The following ZNF804B variants were observed in gnomAD, a reference collection of about 807,000 sequenced individuals.
ZNF804B encodes the protein zinc finger 804B.
ZNF804B carries 80 observed loss-of-function variants against 101.4 expected under a neutral mutation model. That is an observed-to-expected ratio of 0.79 (90% CI 0.66 to 0.95). The LOEUF (loss-of-function observed/expected upper bound fraction) is 0.95, where lower values mean the gene tolerates loss of function less well. ZNF804B is among the 40% of genes least tolerant of loss of function. ZNF804B has a pLI of 0.00. For missense variants in ZNF804B, 1,673 were observed against 1,561.9 expected (o/e 1.07, Z -1.20); for synonymous variants, 622 against 558.8 (o/e 1.11, Z -1.59).
At chr7:88,845,705 A>G (rs924509074) in intron 1 of ZNF804B, among the ~76,000 whole-genome samples, 1 of 152,086 alleles carries the variant, frequency 6.6e-6, no homozygotes, top group Non-Finnish European at 1.5e-5. Flanking sequence ...AAAGCAGAAT[A>G]CAAGTCACCT....
intron 1 of ZNF804B, among the ~76,000 whole-genome samples, chr7:89,050,120 G>C (rs1202503953): frequency 6.6e-6 from 1 of 152,032 alleles, no homozygotes; most frequent in Admixed American, 6.6e-5. Flanking sequence ...TAGGTCCAAA[G>C]TACTAACGCT....
intron 1 of ZNF804B, among the ~76,000 whole-genome samples, chr7:88,760,778 A>G (rs1013050124): frequency 5.3e-5 from 8 of 151,122 alleles, no homozygotes; most frequent in African/African-American, 1.7e-4. Flanking sequence ...TCCAGATTAT[A>G]TGAGTTAAAT....
intron 2 of ZNF804B, among the ~76,000 whole-genome samples, chr7:89,259,282 C>G (rs1417599495): frequency 6.6e-6 from 1 of 152,090 alleles, no homozygotes; most frequent in Non-Finnish European, 1.5e-5. Context: ...ATCTTGTAAC[C>G]TTGCACCCCA....
At chr7:89,162,305 C>T (rs1389795158) in intron 1 of ZNF804B, among the ~76,000 whole-genome samples, 4 of 152,074 alleles carry the variant, frequency 2.6e-5, no homozygotes, top group African/African-American at 9.7e-5. Context: ...AAATACAAAA[C>T]TTTAAATATT....
chr7:88,879,268 A>G (rs1027851691), intron 1 of ZNF804B, among the ~76,000 whole-genome samples: 1 of 152,170 alleles, frequency 6.6e-6, no homozygotes, highest in African/African-American at 2.4e-5. Flanking sequence ...TTACCCATGC[A>G]TCCTCAACAA....
Position 89,222,378 on chromosome 7 carries a change from A to G in ZNF804B, c.249+4083A>G, listed in dbSNP as rs1584065948. ...CTGAGGTCTTCAAACTGGACTCCCC[A>G]CCTCCAGTATTTTTCCTGTTCCACA... On this transcript the variant is annotated intron_variant, in intron 2 of 3. Coordinates refer to ENST00000333190, the MANE Select transcript of ZNF804B (RefSeq NM_181646.5). Among the ~76,000 whole-genome samples, 6 of 151,794 alleles carry G rather than the reference A, an allele frequency of 4.0e-5. No homozygotes were observed. In the South Asian group the frequency reaches 1.2e-3, roughly 32 times the overall value.
chr7:89,304,285 C>G (rs1444421568), intron 2 of ZNF804B, among the ~76,000 whole-genome samples: 1 of 151,786 alleles, frequency 6.6e-6, no homozygotes, highest in Non-Finnish European at 1.5e-5. Context: ...GGACTTCTCC[C>G]AAAACATCCT....
In ZNF804B at chr7:89,335,208, C is replaced by T; in HGVS notation, c.2226C>T (p.Phe742=). The part of the protein sequence containing the change: ...NGNSRGNLLC[F]HKREHHSVER... ...ATAGCAGAGGTAATTTGCTCTGCTT[C>T]CATAAAAGAGAACACCACTCAGTTG... is the stretch of plus-strand genomic sequence containing the variant. The change falls in exon 4 of 4, where the codon TTC becomes TTT. Residue 742 remains phenylalanine (F), a synonymous_variant. Coordinates refer to ENST00000333190, the MANE Select transcript of ZNF804B (RefSeq NM_181646.5). 1 of 1,613,780 alleles carries T rather than the reference C, an allele frequency of 6.2e-7. No individual in the cohort carries two copies. Among genetic ancestry groups the T allele is most frequent in the Non-Finnish European group, 8.5e-7 (1 of 1,179,928 alleles).
In ZNF804B at chr7:88,853,464, G is replaced by A. The variant is rs763964439; in HGVS notation, c.108+93380G>A. 4.6e-4 allele frequency among the ~76,000 whole-genome samples: 70 copies of A among 152,162 alleles called. 1 individual carries two copies. In the Middle Eastern group the frequency reaches 0.01, roughly 22 times the overall value. On this transcript the variant is annotated intron_variant, in intron 1 of 3. Transcript: ENST00000333190. ...TCTTGGTAAAGTTAGAATGTATTCC[G>A]GGAAATGTAGAGATGCCAGTTTCAA...
chr7:89,067,246 A>C (rs1789467874), intron 1 of ZNF804B, among the ~76,000 whole-genome samples: 1 of 152,164 alleles, frequency 6.6e-6, no homozygotes, highest in Non-Finnish European at 1.5e-5. Flanking sequence ...GTGGTTAGGA[A>C]GGGAAGATCC....
At chr7:89,293,004 A>G (rs1022270190) in intron 2 of ZNF804B, among the ~76,000 whole-genome samples, 11 of 152,222 alleles carry the variant, frequency 7.2e-5, no homozygotes, top group African/African-American at 2.2e-4. Flanking sequence ...AATTAAAAGC[A>G]TGAGTCCTGT....
intron 1 of ZNF804B, among the ~76,000 whole-genome samples, chr7:89,029,684 T>C (rs2116229027): frequency 6.6e-6 from 1 of 152,340 alleles, no homozygotes; most frequent in South Asian, 2.1e-4. Context: ...ATTGTCATTC[T>C]TATGGTCATC....
chr7:89,134,702 T>A (rs1790603850), intron 1 of ZNF804B, among the ~76,000 whole-genome samples: 1 of 152,108 alleles, frequency 6.6e-6, no homozygotes, highest in South Asian at 2.1e-4. Context: ...TGCTAGTGCT[T>A]GTCTTCTTGG....
chr7:89,042,552 A>G (rs752787181), intron 1 of ZNF804B, among the ~76,000 whole-genome samples: 3 of 152,170 alleles, frequency 2.0e-5, no homozygotes, highest in Non-Finnish European at 1.5e-5. Flanking sequence ...AATGATATGT[A>G]AACTTTGTTT....
rs148362622 is a variant in ZNF804B, at chr7:89,057,439, C to T, written c.109-160716C>T. Among the ~76,000 whole-genome samples the T allele has an allele frequency of 6.1e-3, 921 of 152,178 alleles. 7 individuals are homozygous for T. Among genetic ancestry groups the T allele is most frequent in the African/African-American group, 0.021 (862 of 41,534 alleles). On this transcript the variant is annotated intron_variant, in intron 1 of 3. Coordinates refer to ENST00000333190, the MANE Select transcript of ZNF804B (RefSeq NM_181646.5). ...ACAGTTTGCTCAGACCATCCAATGA[C>T]TGGAGCTCAGAGTGAGGGCTACAGT...
At chr7:89,136,758 T>C (rs1407356240) in intron 1 of ZNF804B, among the ~76,000 whole-genome samples, 1 of 140,734 alleles carries the variant, frequency 7.1e-6, no homozygotes, top group Non-Finnish European at 1.6e-5. Context: ...TGTGTGTGTG[T>C]GTGTGTGCGC....
In ZNF804B at chr7:88,913,176, T is replaced by TGAGG. The variant is rs1792574820; in HGVS notation, c.108+153092_108+153093insGAGG. Among the ~76,000 whole-genome samples, 5 of 152,318 alleles carry TGAGG rather than the reference T, an allele frequency of 3.3e-5. No homozygotes were observed. The South Asian group carries it at 1.0e-3, about 32-fold the overall frequency. ...ATGGCATATATTCTCATTTATTTAA[T>TGAGG]TTTCACTTTGCTGTATGATTCCTAC... On this transcript the variant is annotated intron_variant, in intron 1 of 3. Transcript: ENST00000333190.
At chr7:89,068,582 A>G (rs1378765180) in intron 1 of ZNF804B, among the ~76,000 whole-genome samples, 3 of 152,162 alleles carry the variant, frequency 2.0e-5, no homozygotes, top group Non-Finnish European at 2.9e-5. Flanking sequence ...GCTGCATTCT[A>G]TGTTGGGAAT....
chr7:89,101,751 A>G (rs546716806), intron 1 of ZNF804B, among the ~76,000 whole-genome samples: 1 of 152,040 alleles, frequency 6.6e-6, no homozygotes, highest in East Asian at 1.9e-4. Context: ...GTGCTTGTTT[A>G]TACATGGATA....
Sources: allele counts gnomAD v4.1 joint callset (sites outside exome capture counted in the v4.1 genomes callset), GRCh38; gene constraint gnomAD v4.1.1; transcripts MANE v1.5; gene names NCBI Gene and HGNC (gene_info 2026-07-23, HGNC 2026-07-21).